MFSD2B: variants seen among roughly 807,000 people sequenced by gnomAD.
MFSD2B encodes MFSD2 lysolipid transporter B, sphingolipid, also known as sphingosine-1-phosphate transporter MFSD2B.
In MFSD2B, 56 loss-of-function variants were observed where a neutral mutation model predicts 58.4. The observed-to-expected ratio is 0.96, with a 90% confidence interval of 0.77 to 1.20. The LOEUF (loss-of-function observed/expected upper bound fraction) is 1.20. Among genes scored for constraint, MFSD2B ranks in the 50% most tolerant of loss-of-function variants. MFSD2B has a pLI of 0.00. For missense variants in MFSD2B, 645 were observed against 667.6 expected, an observed-to-expected ratio of 0.97 and a Z score of 0.37; for synonymous variants, 287 against 294.4, an observed-to-expected ratio of 0.97 and a Z score of 0.26.
rs1031464167 is a variant in MFSD2B at position 24,022,155 on chromosome 2, C to T, written c.894+185C>T. Among the ~76,000 whole-genome samples the T allele has an allele frequency of 1.3e-5, 2 of 151,882 alleles. No individual in the cohort carries two copies. Among genetic ancestry groups the T allele is most frequent in the Non-Finnish European group, 2.9e-5 (2 of 67,940 alleles). On this transcript the variant is annotated intron_variant, in intron 8 of 13. Coordinates refer to ENST00000338315, the MANE Select transcript of MFSD2B (RefSeq NM_001346880.2). The surrounding 1 kb of genome is among the most constrained non-coding windows in gnomAD (Gnocchi z 4.5). ...TGGGAATGGAGGGCCAGGGCCTGGG[C>T]ACTAGGAGGCTGACAATGTCTGGGC... is the stretch of plus-strand genomic sequence containing the variant.
chr2:24,022,469 G>A lies in MFSD2B; in HGVS notation c.931G>A (p.Ala311Thr). ...QSYLVLFCTH[A>T]SQLHDHVQGL... Reference sequence around the variant, plus strand: ...CTACCTGGTCCTGTTCTGTACACATGCCTCCCAGCTACACGACCACGTCCA... The same window carrying A: ...CTACCTGGTCCTGTTCTGTACACATACCTCCCAGCTACACGACCACGTCCA... The change falls in exon 9 of 14, where the codon GCC becomes ACC. Residue 311 changes from alanine (A) to threonine (T), a missense_variant. By Grantham distance (58) the Ala-to-Thr change is moderately conservative (BLOSUM62 0). Coordinates refer to ENST00000338315, the MANE Select transcript of MFSD2B (RefSeq NM_001346880.2). The surrounding 1 kb of genome is among the most constrained non-coding windows in gnomAD (Gnocchi z 4.5). 1.2e-6 allele frequency: 2 copies of A among 1,613,462 alleles called. No individual in the cohort carries two copies. The highest frequency in any genetic ancestry group is 3.3e-5 in the Admixed American group (2 of 59,964).
chr2:24,024,123 A>G lies in MFSD2B; in HGVS notation c.1342A>G (p.Lys448Glu), dbSNP rs372166240. Residue 448 changes from lysine to glutamate, a missense_variant, in exon 13 of 14, where the codon AAG becomes GAG. Coordinates refer to ENST00000338315, the MANE Select transcript of MFSD2B (RefSeq NM_001346880.2). The surrounding 1 kb of genome is among the most constrained non-coding windows in gnomAD (Gnocchi z 4.3). ...EFSGYKAGVC[K>E]QAEEVVVTLK... ...CTCGGGGTATAAGGCAGGGGTCTGCAAGCAAGCAGAGGAGGTGGTGGTCAC... is the reference window on the plus strand; with the variant it reads ...CTCGGGGTATAAGGCAGGGGTCTGCGAGCAAGCAGAGGAGGTGGTGGTCAC... 6.2e-7 allele frequency: 1 copy of G among 1,613,828 alleles called. No homozygotes were observed. Among genetic ancestry groups the G allele is most frequent in the Non-Finnish European group, 8.5e-7 (1 of 1,179,822 alleles).
rs955915492 is a variant in MFSD2B, at chr2:24,020,691, C to T, written c.682-957C>T. ...TCTGCCACCTCAGCCTCCCTAGTAG[C>T]TGGGACTGCAGGTGCATGCACACCA... On this transcript the variant is annotated intron_variant, in intron 6 of 13. Transcript: ENST00000338315. The surrounding 1 kb of genome is among the most constrained non-coding windows in gnomAD (Gnocchi z 4.1). Among the ~76,000 whole-genome samples, 1 of 152,036 alleles carries T rather than the reference C, an allele frequency of 6.6e-6. No homozygotes were observed. Among genetic ancestry groups the T allele is most frequent in the Non-Finnish European group, 1.5e-5 (1 of 68,000 alleles).
Position 24,016,981 on chromosome 2 carries a change from C to G in MFSD2B, c.471+13C>G. Reference sequence around the variant, plus strand: ...GGCCCTGGCCACGGTAAGCAGGGCCCCTTCCTGGGCCTGTGCTCTGGCGAA... The same window carrying G: ...GGCCCTGGCCACGGTAAGCAGGGCCGCTTCCTGGGCCTGTGCTCTGGCGAA... On this transcript the variant is annotated intron_variant, in intron 4 of 13. Transcript: ENST00000338315. The G allele has an allele frequency of 6.2e-7, 1 of 1,613,278 alleles. No homozygotes were observed. Among genetic ancestry groups the G allele is most frequent in the Non-Finnish European group, 8.5e-7 (1 of 1,179,830 alleles).
Position 24,023,208 on chromosome 2 carries a change from G to A in MFSD2B, c.1138G>A (p.Val380Met), listed in dbSNP as rs759338733. The A allele has an allele frequency of 4.4e-5, 71 of 1,613,564 alleles. No homozygotes were observed. Among genetic ancestry groups the A allele is most frequent in the Admixed American group, 2.7e-4 (16 of 59,982 alleles). ...ATATGTCGTGGCCTTTGTATCTGGC[G>A]TGAGCATTGCTGTGTCCTTGCTGCT... ...VAYVVAFVSG[V>M]SIAVSLLLPW... Residue 380 changes from valine (V) to methionine (M), a missense_variant, in exon 11 of 14, where the codon GTG (valine) becomes ATG (methionine). Physicochemically the swap from Val to Met is conservative, Grantham distance 21 (BLOSUM62 1). Transcript: ENST00000338315. This position sits in a 1 kb window ranked among gnomAD's most constrained non-coding sequence, Gnocchi z 5.0.
In MFSD2B at chr2:24,017,471, G is replaced by A. The variant is rs1295348418; in HGVS notation, c.564G>A (p.Glu188=). 2 of 1,601,556 alleles carry A rather than the reference G, an allele frequency of 1.2e-6. No individual in the cohort carries two copies. The highest frequency in any genetic ancestry group is 1.3e-5 in the African/African-American group (1 of 74,850). The change falls in exon 6 of 14, where the codon GAG becomes GAA. Residue 188 remains glutamate (E), a synonymous_variant. Coordinates refer to ENST00000338315, the MANE Select transcript of MFSD2B (RefSeq NM_001346880.2). The surrounding 1 kb of genome is among the most constrained non-coding windows in gnomAD (Gnocchi z 4.8). ...CTCTGTCTCCAGGGATGACTGTGGA[G>A]ATGGCGGGAACACTGATGGGGGCCA... ...DSATAYRMTV[E]MAGTLMGATV... is the part of the protein sequence containing the mutation.
In MFSD2B at chr2:24,017,016, T is replaced by C. The variant is rs753567187; in HGVS notation, c.471+48T>C. On this transcript the variant is annotated intron_variant, in intron 4 of 13. Coordinates refer to ENST00000338315, the MANE Select transcript of MFSD2B (RefSeq NM_001346880.2). This position sits in a 1 kb window ranked among gnomAD's most constrained non-coding sequence, Gnocchi z 4.8. ...CCTGTGCTCTGGCGAAGCCCATTGC[T>C]GGCCATGGCCACTCTGAAGTGTGCT... 5.0e-6 allele frequency: 8 copies of C among 1,608,076 alleles called. No homozygotes were observed. The highest frequency in any genetic ancestry group is 3.3e-5 in the Admixed American group (2 of 59,940).
In MFSD2B at chr2:24,016,861, C is replaced by A; in HGVS notation, c.364C>A (p.Pro122Thr). The A allele has an allele frequency of 6.2e-7, 1 of 1,613,614 alleles. No homozygotes were observed. Among genetic ancestry groups the A allele is most frequent in the African/African-American group, 1.3e-5 (1 of 75,056 alleles). ...RLMPWVLGCT[P>T]FIALAYFFLW... ...CTTCCGCAGGGTGCTGGGCTGCACC[C>A]CCTTCATCGCCCTGGCCTACTTCTT... The change falls in exon 4 of 14, where the codon CCC becomes ACC. Residue 122 changes from proline to threonine, a missense_variant. Coordinates refer to ENST00000338315, the MANE Select transcript of MFSD2B (RefSeq NM_001346880.2).
rs749874124 is a variant in MFSD2B, at chr2:24,024,321, G to A, written c.1490+50G>A. The A allele has an allele frequency of 1.3e-6, 2 of 1,535,790 alleles. No homozygotes were observed. Among genetic ancestry groups the A allele is most frequent in the South Asian group, 2.4e-5 (2 of 83,822 alleles). On this transcript the variant is annotated intron_variant, in intron 13 of 13. Transcript: ENST00000338315. This position sits in a 1 kb window ranked among gnomAD's most constrained non-coding sequence, Gnocchi z 4.3. Reference sequence around the variant, plus strand: ...CCAGCGAGGCACAGTGTGGGCTGCTGGGGGAATGACTAACACCAGCCTGCA... The same window carrying A: ...CCAGCGAGGCACAGTGTGGGCTGCTAGGGGAATGACTAACACCAGCCTGCA...
chr2:24,013,396 C>T lies in MFSD2B; in HGVS notation c.208C>T (p.Leu70Phe), dbSNP rs2150937409. ...ATAFYLQLFLLDIAQIPAAQV... is the reference protein window; with the variant it reads ...ATAFYLQLFLFDIAQIPAAQV... ...AGCCTTTTACCTGCAGCTTTTCCTG[C>T]TTGATATAGCACAGGTAAGTGTGGG... Residue 70 changes from leucine to phenylalanine, a missense_variant, in exon 2 of 14, where the codon CTT becomes TTT. Physicochemically the swap from Leu to Phe is conservative, Grantham distance 22. Transcript: ENST00000338315. 6.2e-7 allele frequency: 1 copy of T among 1,608,146 alleles called. No homozygotes were observed. Among genetic ancestry groups the T allele is most frequent in the Non-Finnish European group, 8.5e-7 (1 of 1,177,426 alleles).
Position 24,020,480 on chromosome 2 carries a change from A to G in MFSD2B, c.682-1168A>G, listed in dbSNP as rs1662733989. 6.6e-6 allele frequency among the ~76,000 whole-genome samples: 1 copy of G among 151,948 alleles called. No individual in the cohort carries two copies. The highest frequency in any genetic ancestry group is 6.6e-5 in the Admixed American group (1 of 15,260). ...TCCCCAGAGGCAGCCTCTGTCCCGA[A>G]CTGGCTGTGACTCTCGTGCATGTCT... On this transcript the variant is annotated intron_variant, in intron 6 of 13. Transcript: ENST00000338315. This position sits in a 1 kb window ranked among gnomAD's most constrained non-coding sequence, Gnocchi z 4.1.
At chr2:24,015,829 C>T (rs111478522) in intron 2 of MFSD2B, among the ~76,000 whole-genome samples, 1,711 of 152,078 alleles carry the variant, frequency 0.011, 36 homozygotes, top group African/African-American at 0.038. Flanking sequence ...CCAGTGAATC[C>T]TTTCCATTGT....
Position 24,023,974 on chromosome 2 carries a change from T to C in MFSD2B, c.1314-121T>C. 2.8e-6 allele frequency: 3 copies of C among 1,089,592 alleles called. No individual in the cohort carries two copies. The highest frequency in any genetic ancestry group is 3.1e-5 in the African/African-American group (2 of 63,796). The allele number at this position is 1,089,592 out of a possible 1,614,324, so 67.5% of individuals were successfully genotyped here. On this transcript the variant is annotated intron_variant, in intron 12 of 13. Coordinates refer to ENST00000338315, the MANE Select transcript of MFSD2B (RefSeq NM_001346880.2). This position sits in a 1 kb window ranked among gnomAD's most constrained non-coding sequence, Gnocchi z 5.0. ...TCACCTTGACACTCCTCTCCTGATC[T>C]GACCAGGAAATGAAGTCCACGTTTC...
At chr2:24,019,038 A>T (rs1662649701) in intron 6 of MFSD2B, among the ~76,000 whole-genome samples, 1 of 151,846 alleles carries the variant, frequency 6.6e-6, no homozygotes, top group African/African-American at 2.4e-5. Context: ...TTTAGTAGAG[A>T]TGGGGTTTTG....
chr2:24,022,474 C>T lies in MFSD2B; in HGVS notation c.936C>T (p.Ser312=), dbSNP rs1662827293. The stretch of plus-strand genomic sequence containing the variant: ...TGGTCCTGTTCTGTACACATGCCTC[C>T]CAGCTACACGACCACGTCCAGGGCC... ...SYLVLFCTHA[S]QLHDHVQGLV... The change falls in exon 9 of 14, where the codon TCC becomes TCT. Residue 312 remains serine, a synonymous_variant. Coordinates refer to ENST00000338315, the MANE Select transcript of MFSD2B (RefSeq NM_001346880.2). The surrounding 1 kb of genome is among the most constrained non-coding windows in gnomAD (Gnocchi z 4.5). 2 of 1,613,416 alleles carry T rather than the reference C, an allele frequency of 1.2e-6. No individual in the cohort carries two copies. Among genetic ancestry groups the T allele is most frequent in the Non-Finnish European group, 1.7e-6 (2 of 1,179,760 alleles).
Position 24,021,783 on chromosome 2 carries a change from T to C in MFSD2B, c.772+45T>C. On this transcript the variant is annotated intron_variant, in intron 7 of 13. Transcript: ENST00000338315. The surrounding 1 kb of genome is among the most constrained non-coding windows in gnomAD (Gnocchi z 5.7). ...GGGAAGCAGAAGCTGGGGGCAGGGC[T>C]CTGCTTGGGGGCAGGTTTTGCTTTT... 1 of 1,612,648 alleles carries C rather than the reference T, an allele frequency of 6.2e-7. No individual in the cohort carries two copies. The highest frequency in any genetic ancestry group is 1.1e-5 in the South Asian group (1 of 90,948).
intron 1 of MFSD2B, 54 bp downstream of exon 1, chr2:24,010,246 G>A (rs1036390231): frequency 4.8e-6 from 6 of 1,261,394 alleles, no homozygotes; most frequent in South Asian, 2.2e-5. Flanking sequence ...GAGCTCCAGG[G>A]CGTCGCCTCG....
At position 24,023,851 on chromosome 2, in the gene MFSD2B, AGT is replaced by A; in HGVS notation, c.1313+129_1313+130del. The A allele has an allele frequency of 8.1e-7, 1 of 1,231,342 alleles. No individual in the cohort carries two copies. Among genetic ancestry groups the A allele is most frequent in the Non-Finnish European group, 1.1e-6 (1 of 877,440 alleles). 76.3% of individuals were successfully genotyped at this position (1,231,342 alleles called of 1,614,324 possible). A position where few individuals can be genotyped will look rare whatever the true frequency, so the allele number is the denominator to read the frequency against. ...GGGGCCTAAGCGCTACTCTTTGGAG[AGT>A]GTGGGGAACCACTTCCCCAGGTTTC... On this transcript the variant is annotated intron_variant, in intron 12 of 13. Transcript: ENST00000338315. This position sits in a 1 kb window ranked among gnomAD's most constrained non-coding sequence, Gnocchi z 5.0.
chr2:24,017,170 G>T lies in MFSD2B; in HGVS notation c.472-116G>T. The T allele has an allele frequency of 7.7e-7, 1 of 1,296,386 alleles. No individual in the cohort carries two copies. Among genetic ancestry groups the T allele is most frequent in the Non-Finnish European group, 1.1e-6 (1 of 939,644 alleles). 80.3% of individuals were successfully genotyped at this position (1,296,386 alleles called of 1,614,324 possible). A position where few individuals can be genotyped will look rare whatever the true frequency, so the allele number is the denominator to read the frequency against. On this transcript the variant is annotated intron_variant, in intron 4 of 13. Transcript: ENST00000338315. This position sits in a 1 kb window ranked among gnomAD's most constrained non-coding sequence, Gnocchi z 4.8. The stretch of plus-strand genomic sequence containing the variant: ...CCCTAGCTCCGACTTCAGGTGGCCA[G>T]CTGGGATATGTCACGTTGGCCTGTG...
Sources: gnomAD v4.1 joint callset for allele counts (sites outside exome capture counted in the v4.1 genomes callset) on GRCh38, gnomAD v4.1.1 for gene constraint, Gnocchi (gnomAD v3.1) non-coding constraint, MANE v1.5 for transcripts, NCBI Gene and HGNC (gene_info 2026-07-23, HGNC 2026-07-21) for gene names.